Variants in GRIK2 observed in about 807,000 individuals in gnomAD.
GRIK2 encodes glutamate ionotropic receptor kainate type subunit 2.
A neutral mutation model predicts 100.3 loss-of-function variants in GRIK2; 32 were observed. That is an observed-to-expected ratio of 0.32 (90% CI 0.24 to 0.43). The LOEUF (loss-of-function observed/expected upper bound fraction) is 0.43, where lower values mean the gene tolerates loss of function less well. GRIK2 is among the 20% of genes least tolerant of loss of function. The probability of loss-of-function intolerance (pLI) is 1.00; values close to 1 mark genes in which losing one functional copy is unlikely to be tolerated. For synonymous variants in GRIK2, 417 were observed against 389.4 expected, an observed-to-expected ratio of 1.07 and a Z score of -0.83; for missense variants, 843 against 1,114.9, an observed-to-expected ratio of 0.76 and a Z score of 3.47.
At chr6:101,864,029 C>T (rs1426334602) in intron 11 of GRIK2, among the ~76,000 whole-genome samples, 1 of 149,882 alleles carries the variant, frequency 6.7e-6, no homozygotes, top group African/African-American at 2.5e-5. Context: ...CCCAGCTACT[C>T]GGGAGGCTGA....
chr6:101,546,853 C>T (rs557826678), intron 2 of GRIK2, among the ~76,000 whole-genome samples: 34 of 77,434 alleles, frequency 4.4e-4, no homozygotes, highest in Non-Finnish European at 6.0e-4. Flanking sequence ...TTTTTGGAGA[C>T]GGAGTCTCGC....
intron 2 of GRIK2, among the ~76,000 whole-genome samples, chr6:101,558,860 A>C (rs1776865009): frequency 6.6e-6 from 1 of 151,948 alleles, no homozygotes; most frequent in Admixed American, 6.6e-5. Flanking sequence ...TTGAGTGCCA[A>C]ATGTGATTTT....
intron 12 of GRIK2, among the ~76,000 whole-genome samples, chr6:101,923,925 CAA>C (rs768844963): frequency 3.3e-5 from 2 of 60,774 alleles, no homozygotes; most frequent in Non-Finnish European, 7.2e-5. Flanking sequence ...ATTCTGTCTC[CAA>C]AAAAAAAAAA....
chr6:101,615,698 C>T (rs1185413261), intron 2 of GRIK2, among the ~76,000 whole-genome samples: 4 of 151,492 alleles, frequency 2.6e-5, no homozygotes, highest in African/African-American at 4.8e-5. Context: ...ATAGAAGATT[C>T]CCAGTACAAA....
At chr6:101,830,886 G>A (rs1218706132) in intron 10 of GRIK2, among the ~76,000 whole-genome samples, 1 of 151,896 alleles carries the variant, frequency 6.6e-6, no homozygotes, top group African/African-American at 2.4e-5. Context: ...AATACTGTAT[G>A]TTCTCACTTA....
chr6:101,588,385 C>T (rs12211696), intron 2 of GRIK2, among the ~76,000 whole-genome samples: 4,234 of 151,764 alleles, frequency 0.028, 99 homozygotes, highest in Non-Finnish European at 0.041. Flanking sequence ...TGTGCAGGGG[C>T]GGGGAGGATC....
At chr6:101,448,825 A>T (rs537991201) in intron 2 of GRIK2, among the ~76,000 whole-genome samples, 2 of 151,672 alleles carry the variant, frequency 1.3e-5, no homozygotes, top group Non-Finnish European at 3.0e-5. Context: ...CTTTGGGTAG[A>T]AGCATATGGC....
intron 7 of GRIK2, among the ~76,000 whole-genome samples, chr6:101,793,987 A>G (rs913676619): frequency 2.6e-5 from 4 of 151,784 alleles, no homozygotes; most frequent in African/African-American, 9.7e-5. Flanking sequence ...AATCAGCGAG[A>G]CTCCATGGGC....
intron 7 of GRIK2, among the ~76,000 whole-genome samples, chr6:101,759,228 G>A (rs919166778): frequency 2.6e-5 from 4 of 152,094 alleles, no homozygotes; most frequent in Non-Finnish European, 4.4e-5. Context: ...TTTAAATTAT[G>A]TAAAGAAGTA....
chr6:101,813,466 A>C (rs1284047187), intron 9 of GRIK2, among the ~76,000 whole-genome samples: 1 of 152,236 alleles, frequency 6.6e-6, no homozygotes, highest in African/African-American at 2.4e-5. Context: ...GTGTAAGTAC[A>C]ATGATAAGTG....
chr6:102,042,781 G>C (rs1386637280), intron 15 of GRIK2, among the ~76,000 whole-genome samples: 2 of 151,622 alleles, frequency 1.3e-5, no homozygotes, highest in Non-Finnish European at 3.0e-5. Flanking sequence ...AAGAAAGGTA[G>C]GGTTTATAGG....
At chr6:101,542,982 A>G (rs1301603294) in intron 2 of GRIK2, among the ~76,000 whole-genome samples, 5 of 152,172 alleles carry the variant, frequency 3.3e-5, no homozygotes, top group Non-Finnish European at 7.4e-5. Flanking sequence ...ATAATGACAT[A>G]TATGTTAAGC....
At chr6:101,476,663 T>C (rs1379381149) in intron 2 of GRIK2, among the ~76,000 whole-genome samples, 1 of 152,120 alleles carries the variant, frequency 6.6e-6, no homozygotes, top group Non-Finnish European at 1.5e-5. Flanking sequence ...ATAATTATAT[T>C]TTTGTAGGGT....
chr6:101,760,313 ATATATATATTTAAT>A (rs1455121816), intron 7 of GRIK2, among the ~76,000 whole-genome samples: 2 of 129,580 alleles, frequency 1.5e-5, no homozygotes, highest in Non-Finnish European at 3.1e-5. Flanking sequence ...ATGGAATTAA[ATATATATATTTAAT>A]TATATATATT....
chr6:101,513,286 T>C (rs1401994117), intron 2 of GRIK2, among the ~76,000 whole-genome samples: 1 of 152,216 alleles, frequency 6.6e-6, no homozygotes, highest in African/African-American at 2.4e-5. Flanking sequence ...GGTTGAGTTT[T>C]TCTAAAGACC....
At chr6:101,904,774 T>C (rs1556994) in intron 12 of GRIK2, among the ~76,000 whole-genome samples, 10,035 of 151,566 alleles carry the variant, frequency 0.066, 482 homozygotes, top group Admixed American at 0.12. Flanking sequence ...GGAGAAAGTA[T>C]GTTAGAAAAC....
chr6:101,400,183 C>T (rs1775217298), intron 2 of GRIK2, among the ~76,000 whole-genome samples: 1 of 152,130 alleles, frequency 6.6e-6, no homozygotes, highest in South Asian at 2.1e-4. Flanking sequence ...ACTAAGTCTG[C>T]ATCTTTCACT....
chr6:102,053,059 C>CTCTG lies in GRIK2; in HGVS notation c.2312-2267_2312-2264dup, dbSNP rs369085716. Among the ~76,000 whole-genome samples, 620 of 151,430 alleles carry CTCTG rather than the reference C, an allele frequency of 4.1e-3. 6 individuals are homozygous for CTCTG. The highest frequency in any genetic ancestry group is 0.013 in the African/African-American group (552 of 41,226). ...CTCCAGCCTGGGTGAAAGAGCGAGACTCTGTCTACAAAGACAAACAACAAC... is the reference window on the plus strand; with the variant it reads ...CTCCAGCCTGGGTGAAAGAGCGAGACTCTGTCTGTCTACAAAGACAAACAACAAC... On this transcript the variant is annotated intron_variant, in intron 15 of 16. Coordinates refer to ENST00000369134, the MANE Select transcript of GRIK2 (RefSeq NM_021956.5).
chr6:101,736,779 A>G (rs1775664119), intron 7 of GRIK2, among the ~76,000 whole-genome samples: 1 of 152,090 alleles, frequency 6.6e-6, no homozygotes, highest in Non-Finnish European at 1.5e-5. Flanking sequence ...GCTCCTTGTT[A>G]CTTATTCAAA....
Sources: gnomAD v4.1 joint callset for allele counts (sites outside exome capture counted in the v4.1 genomes callset) on GRCh38, gnomAD v4.1.1 for gene constraint, MANE v1.5 for transcripts, NCBI Gene and HGNC (gene_info 2026-07-23, HGNC 2026-07-21) for gene names.